LAPTM4B: variants seen among roughly 807,000 people sequenced by gnomAD.
LAPTM4B encodes the protein lysosomal protein transmembrane 4 beta, also known as lysosomal-associated transmembrane protein 4B.
Under a neutral mutation model 28.5 loss-of-function variants are expected in LAPTM4B, and 26 were observed. The observed-to-expected ratio is 0.91, with a 90% CI of 0.67 to 1.27. The LOEUF (loss-of-function observed/expected upper bound fraction) is 1.27. Ranked by LOEUF, LAPTM4B falls within the 50% of genes most tolerant of loss-of-function variation. The pLI is 0.00. For missense variants in LAPTM4B, 288 were observed against 285.8 expected (o/e 1.01, Z -0.06); for synonymous variants, 109 against 106.4 (o/e 1.02, Z -0.15).
At chr8:97,808,922 C>T (rs1012891745) in intron 2 of LAPTM4B, among the ~76,000 whole-genome samples, 5 of 151,650 alleles carry the variant, frequency 3.3e-5, no homozygotes, top group African/African-American at 1.2e-4. Context: ...GATCATGCCA[C>T]TACACTCCAG....
Position 97,776,073 on chromosome 8 carries a change from C to A in LAPTM4B, c.64C>A (p.Arg22Ser). Residue 22 changes from arginine to serine, a missense_variant, in exon 1 of 7, where the codon CGC (arginine) becomes AGC (serine). Physicochemically the swap from Arg to Ser is moderately radical, Grantham distance 110. Transcript: ENST00000521545. ...SNSCCLCCHV[R>S]TGTILLGVWY... is the part of the protein sequence containing the mutation. The stretch of plus-strand genomic sequence containing the variant: ...CAGCTGCTGCTTGTGCTGCCATGTC[C>A]GCACCGGCACCATCCTGCTCGGCGT... 1 of 1,589,132 alleles carries A rather than the reference C, an allele frequency of 6.3e-7. No homozygotes were observed.
chr8:97,813,820 G>A (rs944625225), intron 2 of LAPTM4B, among the ~76,000 whole-genome samples: 4 of 152,078 alleles, frequency 2.6e-5, no homozygotes, highest in African/African-American at 9.7e-5. Flanking sequence ...TCGAAAAAAT[G>A]CAAAGCTTTT....
chr8:97,797,621 TG>T (rs1225068044), intron 1 of LAPTM4B, among the ~76,000 whole-genome samples: 1 of 152,234 alleles, frequency 6.6e-6, no homozygotes, highest in African/African-American at 2.4e-5. Flanking sequence ...TGATCATTTT[TG>T]GATACAACCT....
At chr8:97,848,583 G>A (rs137879266) in intron 6 of LAPTM4B, among the ~76,000 whole-genome samples, 1 of 152,146 alleles carries the variant, frequency 6.6e-6, no homozygotes, top group African/African-American at 2.4e-5. Context: ...ACTTTGGGAG[G>A]CTGAAGTGGG....
At chr8:97,848,866 AGT>A (rs1817470306) in intron 6 of LAPTM4B, among the ~76,000 whole-genome samples, 1 of 152,208 alleles carries the variant, frequency 6.6e-6, no homozygotes, top group South Asian at 2.1e-4. Flanking sequence ...CTGGGGGCTC[AGT>A]CCTAAAGTCA....
intron 1 of LAPTM4B, among the ~76,000 whole-genome samples, chr8:97,785,506 G>A (rs1368648993): frequency 1.3e-5 from 2 of 152,328 alleles, no homozygotes; most frequent in East Asian, 3.9e-4. Flanking sequence ...AAAGGAAGAA[G>A]CTGAGGCAAA....
chr8:97,816,294 C>T, intron 4 of LAPTM4B, 114 bp downstream of exon 4: 2 of 1,045,202 alleles, frequency 1.9e-6, no homozygotes, highest in South Asian at 3.6e-5. Flanking sequence ...TAGCTTGCAG[C>T]TGAGTTACTC....
intron 1 of LAPTM4B, among the ~76,000 whole-genome samples, chr8:97,792,982 A>G (rs1816527652): frequency 6.6e-6 from 1 of 152,164 alleles, no homozygotes; most frequent in African/African-American, 2.4e-5. Context: ...TAATAGTGTC[A>G]CCTCAGAAAT....
intron 6 of LAPTM4B, among the ~76,000 whole-genome samples, chr8:97,832,273 CTCT>C (rs1235493507): frequency 6.6e-6 from 1 of 152,168 alleles, no homozygotes; most frequent in Non-Finnish European, 1.5e-5. Context: ...ACGTTCCCAC[CTCT>C]TCTAACAGTG....
At position 97,820,017 on chromosome 8, in the gene LAPTM4B, G is replaced by A. The variant is rs893181770; in HGVS notation, c.507+779G>A. On this transcript the variant is annotated intron_variant, in intron 5 of 6. Transcript: ENST00000521545. ...CCCAAAGCTGGGATTACAGGCATGA[G>A]CCACTGTGCCCGGCTTCAAGATAAA... 4.6e-5 allele frequency among the ~76,000 whole-genome samples: 7 copies of A among 152,242 alleles called. No individual in the cohort carries two copies. In the South Asian group the frequency reaches 8.3e-4, roughly 18 times the overall value.
At chr8:97,828,314 C>T (rs1257875983) in intron 6 of LAPTM4B, among the ~76,000 whole-genome samples, 2 of 151,790 alleles carry the variant, frequency 1.3e-5, no homozygotes, top group Non-Finnish European at 2.9e-5. Context: ...GAAGGGAGAC[C>T]CTGGGGCAGG....
intron 1 of LAPTM4B, among the ~76,000 whole-genome samples, chr8:97,776,834 C>T (rs958971027): frequency 6.6e-6 from 1 of 152,154 alleles, no homozygotes; most frequent in Admixed American, 6.6e-5. Context: ...TCTTGACAGA[C>T]TCAGCGGGCA....
chr8:97,806,457 G>C (rs1586329076), intron 2 of LAPTM4B, among the ~76,000 whole-genome samples: 1 of 152,162 alleles, frequency 6.6e-6, no homozygotes, highest in African/African-American at 2.4e-5. Flanking sequence ...GAGATGACCT[G>C]CATCTTAACT....
At chr8:97,833,238 G>A (rs2129828987) in intron 6 of LAPTM4B, among the ~76,000 whole-genome samples, 1 of 152,038 alleles carries the variant, frequency 6.6e-6, no homozygotes, top group Non-Finnish European at 1.5e-5. Context: ...GGAGGCTGGG[G>A]CAGGAGAATC....
intron 1 of LAPTM4B, among the ~76,000 whole-genome samples, chr8:97,784,213 A>G (rs759686011): frequency 3.9e-5 from 6 of 152,100 alleles, no homozygotes; most frequent in Non-Finnish European, 8.8e-5. Context: ...CTTCTTTCCA[A>G]CTGTCAGATT....
chr8:97,795,311 A>AG, intron 1 of LAPTM4B, among the ~76,000 whole-genome samples: 1 of 151,882 alleles, frequency 6.6e-6, no homozygotes, highest in South Asian at 2.1e-4. Context: ...GCTAGTCTTG[A>AG]ACTCCTGGTC....
At chr8:97,790,474 G>C (rs1043298940) in intron 1 of LAPTM4B, among the ~76,000 whole-genome samples, 1 of 151,550 alleles carries the variant, frequency 6.6e-6, no homozygotes, top group Non-Finnish European at 1.5e-5. Flanking sequence ...ACCATGCCTG[G>C]CTAATTTTTG....
chr8:97,790,736 C>A (rs1434856803), intron 1 of LAPTM4B, among the ~76,000 whole-genome samples: 1 of 152,068 alleles, frequency 6.6e-6, no homozygotes, highest in African/African-American at 2.4e-5. Context: ...TGAGCCACTG[C>A]GCCCAGCTGG....
rs545545955 is a variant in LAPTM4B at position 97,814,466 on chromosome 8, T to C, written c.212-862T>C. Reference sequence around the variant, plus strand: ...TTGAGCCTGGGATGCGGAATTTGCATTGAGCCAATGTTGTCCCACTGCATT... The same window carrying C: ...TTGAGCCTGGGATGCGGAATTTGCACTGAGCCAATGTTGTCCCACTGCATT... On this transcript the variant is annotated intron_variant, in intron 2 of 6. Coordinates refer to ENST00000521545, the MANE Select transcript of LAPTM4B (RefSeq NM_018407.6). 3.2e-3 allele frequency among the ~76,000 whole-genome samples: 482 copies of C among 152,034 alleles called. 3 individuals carry two copies. The highest frequency in any genetic ancestry group is 4.1e-3 in the Non-Finnish European group (280 of 67,982).
Sources: gnomAD v4.1 joint callset for allele counts (sites outside exome capture counted in the v4.1 genomes callset) on GRCh38, gnomAD v4.1.1 for gene constraint, MANE v1.5 for transcripts, NCBI Gene and HGNC (gene_info 2026-07-23, HGNC 2026-07-21) for gene names.